COL21A1: variants seen among roughly 807,000 people sequenced by gnomAD.
COL21A1 encodes the protein collagen type XXI alpha 1 chain, also known as collagen alpha-1(XXI) chain.
Under a neutral mutation model 137.9 loss-of-function variants are expected in COL21A1, and 149 were observed. The observed-to-expected ratio is 1.08, with a 90% CI of 0.95 to 1.24. The LOEUF (loss-of-function observed/expected upper bound fraction) is 1.24. Among genes scored for constraint, COL21A1 ranks in the 50% most tolerant of loss-of-function variants. COL21A1 has a pLI of 0.00. For missense variants in COL21A1, 1,167 were observed against 1,158.4 expected (o/e 1.01, Z -0.11); for synonymous variants, 456 against 391.5 (o/e 1.16, Z -1.95).
chr6:56,123,985 T>C (rs1772782073), intron 16 of COL21A1, 77 bp downstream of exon 16: 7 of 1,243,346 alleles, frequency 5.6e-6, no homozygotes, highest in Non-Finnish European at 7.7e-6. Flanking sequence ...ATTTTAATAT[T>C]GGTACATTTT....
upstream of COL21A1, among the ~76,000 whole-genome samples, chr6:56,248,823 A>G (rs1018514625): frequency 4.7e-5 from 7 of 149,554 alleles, no homozygotes; most frequent in African/African-American, 1.7e-4. Flanking sequence ...TGATAGGAGA[A>G]CATTGCTTTG....
chr6:56,375,591 A>C (rs1194841921), intron 1 of COL21A1, among the ~76,000 whole-genome samples: 4 of 152,104 alleles, frequency 2.6e-5, no homozygotes, highest in Non-Finnish European at 4.4e-5. Flanking sequence ...TGGTGCCATT[A>C]TTTTATGGTT....
chr6:56,079,250 A>G lies in COL21A1; in HGVS notation c.1813-1677T>C, dbSNP rs141176836. Among the ~76,000 whole-genome samples, 54 of 151,798 alleles carry G rather than the reference A, an allele frequency of 3.6e-4. No homozygotes were observed. In the East Asian group the frequency reaches 9.7e-3, roughly 27 times the overall value. On this transcript the variant is annotated intron_variant, in intron 17 of 29. Coordinates refer to ENST00000244728, the MANE Select transcript of COL21A1 (RefSeq NM_030820.4). ...GCTATACATTGTTCTATGCTGGAAA[A>G]CTGGTACAGTTCTGTCAATGTAATA...
At chr6:56,308,964 G>T (rs1405398762) in intron 1 of COL21A1, among the ~76,000 whole-genome samples, 2 of 152,076 alleles carry the variant, frequency 1.3e-5, no homozygotes, top group African/African-American at 4.8e-5. Context: ...TAGTCAGGAT[G>T]GAGGGCAGAA....
intron 1 of COL21A1, among the ~76,000 whole-genome samples, chr6:56,253,842 T>C (rs1435119869): frequency 1.3e-5 from 2 of 152,186 alleles, no homozygotes; most frequent in Non-Finnish European, 2.9e-5. Flanking sequence ...TTTTAATAAG[T>C]TCTCTTAAAA....
At chr6:56,136,066 G>A (rs1302479994) in intron 12 of COL21A1, among the ~76,000 whole-genome samples, 2 of 152,062 alleles carry the variant, frequency 1.3e-5, no homozygotes, top group Non-Finnish European at 2.9e-5. Context: ...CATGTGGTTT[G>A]CACAATTTGC....
chr6:56,076,224 A>G (rs1382325485), intron 18 of COL21A1, among the ~76,000 whole-genome samples: 5 of 151,448 alleles, frequency 3.3e-5, no homozygotes, highest in African/African-American at 9.7e-5. Flanking sequence ...TTCAATACCT[A>G]TGATGACTCA....
chr6:56,082,883 G>T (rs192015660), intron 17 of COL21A1, among the ~76,000 whole-genome samples: 1 of 151,612 alleles, frequency 6.6e-6, no homozygotes, highest in African/African-American at 2.4e-5. Context: ...TTTGAAATGT[G>T]TATGCTATTC....
At chr6:56,130,519 G>A (rs1054595899) in intron 12 of COL21A1, among the ~76,000 whole-genome samples, 3 of 152,016 alleles carry the variant, frequency 2.0e-5, no homozygotes, top group Non-Finnish European at 4.4e-5. Flanking sequence ...TATTAAGGCT[G>A]AACAAAGTCC....
intron 1 of COL21A1, among the ~76,000 whole-genome samples, chr6:56,265,539 TA>T (rs539772186): frequency 6.6e-6 from 1 of 152,222 alleles, no homozygotes; most frequent in African/African-American, 2.4e-5. Flanking sequence ...AAAGTGAGTC[TA>T]AAGTCTATTT....
At chr6:56,242,314 G>A (rs576485542) in intron 1 of COL21A1, among the ~76,000 whole-genome samples, 15 of 152,074 alleles carry the variant, frequency 9.9e-5, no homozygotes, top group Admixed American at 3.9e-4. Flanking sequence ...ACTCCATTAC[G>A]TAATTAATGC....
intron 10 of COL21A1, among the ~76,000 whole-genome samples, chr6:56,150,565 C>CACACAAAA (rs1402170446): frequency 8.9e-6 from 1 of 112,616 alleles, no homozygotes; most frequent in African/African-American, 3.6e-5. Context: ...CACACACACA[C>CACACAAAA]AAGAGTGGGG....
At chr6:56,387,843 C>T (rs906978416) in intron 1 of COL21A1, among the ~76,000 whole-genome samples, 5 of 152,180 alleles carry the variant, frequency 3.3e-5, no homozygotes, top group Non-Finnish European at 5.9e-5. Flanking sequence ...GGCAGTCAGG[C>T]CACAAAAACT....
chr6:56,094,450 A>G (rs1178925053), intron 17 of COL21A1, among the ~76,000 whole-genome samples: 2 of 152,090 alleles, frequency 1.3e-5, no homozygotes, highest in Non-Finnish European at 2.9e-5. Flanking sequence ...TTCTTCACTG[A>G]GCCCTCACTA....
At chr6:56,303,816 C>T (rs1278391993) in intron 1 of COL21A1, among the ~76,000 whole-genome samples, 1 of 152,168 alleles carries the variant, frequency 6.6e-6, no homozygotes, top group African/African-American at 2.4e-5. Flanking sequence ...TACCAGTTTT[C>T]AAAGGGAATG....
chr6:56,148,963 G>A (rs972731356), intron 10 of COL21A1, among the ~76,000 whole-genome samples: 1 of 152,198 alleles, frequency 6.6e-6, no homozygotes, highest in Non-Finnish European at 1.5e-5. Flanking sequence ...TCCAGAAGCA[G>A]GGCTGTCATC....
At chr6:56,341,828 C>A (rs759698065) in intron 1 of COL21A1, among the ~76,000 whole-genome samples, 1 of 152,064 alleles carries the variant, frequency 6.6e-6, no homozygotes, top group Non-Finnish European at 1.5e-5. Flanking sequence ...GGTGGCAGGG[C>A]ATATATGAGA....
At position 56,180,125 on chromosome 6, in the gene COL21A1, A is replaced by ACAACC. The variant is rs1777788988; in HGVS notation, c.89-1_92dup (p.Cys31TrpfsTer10). ...AAACTAAATCTGTCGGAGCAGTACG[A>ACAACC]CAACCTAAGTGCAAAAGAAAACCAT... On this transcript the variant is annotated frameshift_variant, in exon 3 of 30. Coordinates refer to ENST00000244728, the MANE Select transcript of COL21A1 (RefSeq NM_030820.4). LOFTEE classifies it high-confidence loss of function. The ACAACC allele has an allele frequency of 1.2e-6, 2 of 1,603,992 alleles. No individual in the cohort carries two copies. The highest frequency in any genetic ancestry group is 1.7e-6 in the Non-Finnish European group (2 of 1,176,170).
chr6:56,187,183 G>A (rs1778360620), intron 1 of COL21A1, among the ~76,000 whole-genome samples: 1 of 152,080 alleles, frequency 6.6e-6, no homozygotes, highest in South Asian at 2.1e-4. Flanking sequence ...TGTGGTGCAG[G>A]GTACCACATG....
Sources: gnomAD v4.1 joint callset for allele counts (sites outside exome capture counted in the v4.1 genomes callset) on GRCh38, gnomAD v4.1.1 for gene constraint, MANE v1.5 for transcripts, NCBI Gene and HGNC (gene_info 2026-07-23, HGNC 2026-07-21) for gene names.